Variants in ACOXL observed in about 807,000 individuals in gnomAD.
ACOXL encodes acyl-CoA oxidase like.
A neutral mutation model predicts 71.9 loss-of-function variants in ACOXL; 70 were observed. The ratio of observed to expected loss-of-function variants is 0.97; its 90% CI spans 0.80 to 1.19. The LOEUF is 1.19. ACOXL is among the 50% of genes most tolerant of loss of function. The probability of loss-of-function intolerance (pLI) is 0.00; values close to 1 mark genes in which losing one functional copy is unlikely to be tolerated. For synonymous variants in ACOXL, 253 were observed against 281.6 expected, an observed-to-expected ratio of 0.90 and a Z score of 1.02; for missense variants, 703 against 736.3, an observed-to-expected ratio of 0.95 and a Z score of 0.52.
chr2:110,898,688 G>T (rs1038188373), intron 10 of ACOXL, among the ~76,000 whole-genome samples: 1 of 152,190 alleles, frequency 6.6e-6, no homozygotes, highest in Non-Finnish European at 1.5e-5. Context: ...GTAAGGCAAC[G>T]ATGTCTGCTC....
chr2:110,879,113 TAAG>T (rs1464109286), intron 10 of ACOXL, among the ~76,000 whole-genome samples: 9 of 146,060 alleles, frequency 6.2e-5, no homozygotes, highest in Admixed American at 2.0e-4. Flanking sequence ...TGCAGATAAA[TAAG>T]AGGAGGAACC....
intron 1 of ACOXL, among the ~76,000 whole-genome samples, chr2:110,747,169 G>C (rs188078793): frequency 6.6e-6 from 1 of 152,300 alleles, no homozygotes; most frequent in African/African-American, 2.4e-5. Flanking sequence ...GGGTCTGCCT[G>C]CCTATCAGAC....
intron 15 of ACOXL, among the ~76,000 whole-genome samples, chr2:111,044,664 C>T (rs1029709376): frequency 6.6e-6 from 1 of 152,110 alleles, no homozygotes; most frequent in Non-Finnish European, 1.5e-5. Flanking sequence ...TGTGGGTTTG[C>T]TTTGTTTTGT....
chr2:110,893,105 A>C (rs1428175083), intron 10 of ACOXL, among the ~76,000 whole-genome samples: 1 of 152,236 alleles, frequency 6.6e-6, no homozygotes, highest in East Asian at 1.9e-4. Flanking sequence ...ATAGGAAAAA[A>C]TCCCAAAGCA....
At chr2:110,739,067 T>C (rs1677198349) in intron 1 of ACOXL, among the ~76,000 whole-genome samples, 1 of 152,260 alleles carries the variant, frequency 6.6e-6, no homozygotes, top group Admixed American at 6.5e-5. Flanking sequence ...GCTTTGTCTC[T>C]GTTTTCTTTG....
intron 14 of ACOXL, among the ~76,000 whole-genome samples, chr2:111,020,224 T>C (rs2064682407): frequency 6.6e-6 from 1 of 152,180 alleles, no homozygotes; most frequent in Non-Finnish European, 1.5e-5. Context: ...CATCCGTGGG[T>C]GGGGCTTCCT....
At chr2:110,941,765 G>T (rs1195435840) in intron 12 of ACOXL, among the ~76,000 whole-genome samples, 2 of 152,090 alleles carry the variant, frequency 1.3e-5, no homozygotes, top group Non-Finnish European at 2.9e-5. Context: ...TTTCAGACTT[G>T]CAAAACTTGA....
intron 10 of ACOXL, among the ~76,000 whole-genome samples, chr2:110,873,536 C>CT (rs1313176116): frequency 6.6e-6 from 1 of 152,172 alleles, no homozygotes; most frequent in African/African-American, 2.4e-5. Flanking sequence ...TGGAATTATT[C>CT]CTGTCTCTCT....
chr2:111,100,877 GATGAC>G (rs1346196086), intron 17 of ACOXL: 1 of 152,690 alleles, frequency 6.5e-6, no homozygotes, highest in African/African-American at 2.4e-5. Flanking sequence ...AGGGCCTGCT[GATGAC>G]ATGTGATTGA....
intron 5 of ACOXL, among the ~76,000 whole-genome samples, chr2:110,798,258 CTTT>C (rs112847463): frequency 2.2e-5 from 3 of 137,928 alleles, no homozygotes; most frequent in African/African-American, 2.7e-5. Context: ...GTATTCATTG[CTTT>C]TTTTTTTTTT....
chr2:110,968,661 A>G, intron 12 of ACOXL: 1 of 1,119,350 alleles, frequency 8.9e-7, no homozygotes, highest in South Asian at 1.6e-5. Flanking sequence ...CAGAAGAAAG[A>G]TCAGATAGCT....
At chr2:110,843,760 G>A (rs549143407) in intron 10 of ACOXL, among the ~76,000 whole-genome samples, 1 of 152,346 alleles carries the variant, frequency 6.6e-6, no homozygotes, top group South Asian at 2.1e-4. Context: ...TGTTTCCAGA[G>A]ATGTTTGTCT....
chr2:110,934,491 C>T (rs375433514), intron 12 of ACOXL, among the ~76,000 whole-genome samples: 1 of 152,196 alleles, frequency 6.6e-6, no homozygotes, highest in Non-Finnish European at 1.5e-5. Flanking sequence ...TTATAAACAG[C>T]ACCTCTGAAC....
chr2:111,061,614 T>C (rs1376864303), intron 16 of ACOXL, among the ~76,000 whole-genome samples: 1 of 152,174 alleles, frequency 6.6e-6, no homozygotes, highest in Non-Finnish European at 1.5e-5. Flanking sequence ...CTTCTCCTTT[T>C]GAATTTTCTC....
chr2:110,956,629 G>C (rs1193273040), intron 12 of ACOXL, among the ~76,000 whole-genome samples: 2 of 152,148 alleles, frequency 1.3e-5, no homozygotes, highest in African/African-American at 4.8e-5. Flanking sequence ...GCCACCCGAA[G>C]ACACGGTGCC....
At chr2:110,789,108 T>A (rs1684346190) in intron 3 of ACOXL, among the ~76,000 whole-genome samples, 1 of 152,250 alleles carries the variant, frequency 6.6e-6, no homozygotes, top group Non-Finnish European at 1.5e-5. Context: ...TCATTTGTAC[T>A]CACACAGCCA....
chr2:110,811,730 T>TACACACACACACACACACACAC lies in ACOXL; in HGVS notation c.753+6370_753+6391dup, dbSNP rs780039810. ...CGTTATCCTTTTTGTTTTTTTTGCATACACACACACACACACACACACACA... is the reference window on the plus strand; with the variant it reads ...CGTTATCCTTTTTGTTTTTTTTGCATACACACACACACACACACACACACACACACACACACACACACACACA... On this transcript the variant is annotated intron_variant, in intron 9 of 17. Coordinates refer to ENST00000439055, the MANE Select transcript of ACOXL (RefSeq NM_001142807.4). Among the ~76,000 whole-genome samples, 129 of 101,660 alleles carry TACACACACACACACACACACAC rather than the reference T, an allele frequency of 1.3e-3. 6 individuals carry two copies. Among genetic ancestry groups the TACACACACACACACACACACAC allele is most frequent in the East Asian group, 2.2e-3 (7 of 3,200 alleles). 66.7% of individuals were successfully genotyped at this position (101,660 alleles called of 152,430 possible). A position where few individuals can be genotyped will look rare whatever the true frequency, so the allele number is the denominator to read the frequency against.
chr2:111,037,475 A>G (rs1267683562), intron 15 of ACOXL, among the ~76,000 whole-genome samples: 2 of 152,186 alleles, frequency 1.3e-5, no homozygotes, highest in African/African-American at 4.8e-5. Flanking sequence ...TCAAGAACAG[A>G]AGTTAGTGGC....
At chr2:110,734,479 C>T (rs1310788324) in intron 1 of ACOXL, among the ~76,000 whole-genome samples, 1 of 152,054 alleles carries the variant, frequency 6.6e-6, no homozygotes, top group African/African-American at 2.4e-5. Flanking sequence ...CCGTGTTGGC[C>T]AGGCTGGTCT....
Sources: allele counts gnomAD v4.1 joint callset (sites outside exome capture counted in the v4.1 genomes callset), GRCh38; gene constraint gnomAD v4.1.1; transcripts MANE v1.5; gene names NCBI Gene and HGNC (gene_info 2026-07-23, HGNC 2026-07-21).